SPATA16: variants seen among roughly 807,000 people sequenced by gnomAD.
SPATA16 encodes the protein spermatogenesis-associated protein 16.
In SPATA16, 36 loss-of-function variants were observed where a neutral mutation model predicts 63.3. The observed-to-expected ratio is 0.57, with a 90% CI of 0.44 to 0.75. The LOEUF is 0.75. Among genes scored for constraint, SPATA16 ranks in the 30% least tolerant of loss-of-function variants. SPATA16 has a pLI of 0.00. For missense variants in SPATA16, 646 were observed against 679.3 expected (o/e 0.95, Z 0.54); for synonymous variants, 203 against 216.7 (o/e 0.94, Z 0.56).
At chr3:173,094,938 G>C (rs1737316806) in intron 2 of SPATA16, among the ~76,000 whole-genome samples, 1 of 152,104 alleles carries the variant, frequency 6.6e-6, no homozygotes, top group African/African-American at 2.4e-5. Context: ...CAGTGATTTG[G>C]CTATGTTGAT....
At position 173,019,480 on chromosome 3, in the gene SPATA16, A is replaced by G. The variant is rs1190438704; in HGVS notation, c.848+6T>C. On this transcript the variant is annotated splice_donor_region_variant and intron_variant, in intron 4 of 10. Coordinates refer to ENST00000351008, the MANE Select transcript of SPATA16 (RefSeq NM_031955.6). Reference sequence around the variant, plus strand: ...TAAATCCTCACAAAAGTTAAAACAAACATACCGGGCAGCCTCTGAATACCT... The same window carrying G: ...TAAATCCTCACAAAAGTTAAAACAAGCATACCGGGCAGCCTCTGAATACCT... 4.3e-6 allele frequency: 7 copies of G among 1,613,048 alleles called. No individual in the cohort carries two copies. In the East Asian group the frequency reaches 1.3e-4, roughly 31 times the overall value.
At chr3:173,041,930 G>A (rs1735849219) in intron 3 of SPATA16, among the ~76,000 whole-genome samples, 1 of 151,970 alleles carries the variant, frequency 6.6e-6, no homozygotes, top group South Asian at 2.1e-4. Context: ...TTGTGCACAT[G>A]TACCCTAAAA....
chr3:173,085,797 G>C (rs576504042), intron 2 of SPATA16, among the ~76,000 whole-genome samples: 266 of 152,192 alleles, frequency 1.7e-3, no homozygotes, highest in African/African-American at 6.2e-3. Context: ...CTTTAGTTCT[G>C]TTTATGTGAT....
chr3:172,915,837 T>C (rs141929828), intron 9 of SPATA16, among the ~76,000 whole-genome samples: 56 of 152,354 alleles, frequency 3.7e-4, no homozygotes, highest in Admixed American at 1.0e-3. Flanking sequence ...TGTTGATTTA[T>C]CTAAGTGTAC....
intron 6 of SPATA16, among the ~76,000 whole-genome samples, chr3:172,931,020 C>T (rs571660108): frequency 2.2e-4 from 33 of 150,846 alleles, no homozygotes; most frequent in African/African-American, 8.1e-4. Flanking sequence ...GATGGGGTTT[C>T]GCCTTGTTGG....
intron 3 of SPATA16, among the ~76,000 whole-genome samples, chr3:173,027,827 G>GA (rs1414587125): frequency 2.0e-5 from 3 of 151,832 alleles, no homozygotes. Flanking sequence ...TTCTTCCCCA[G>GA]AGACATATGT....
intron 2 of SPATA16, among the ~76,000 whole-genome samples, chr3:173,083,775 TA>T (rs1425864590): frequency 2.6e-5 from 4 of 152,184 alleles, no homozygotes; most frequent in African/African-American, 9.7e-5. Flanking sequence ...TTGCTGAGAA[TA>T]ATGGCTTCCA....
At chr3:172,937,603 T>C (rs1261550318) in intron 6 of SPATA16, among the ~76,000 whole-genome samples, 2 of 152,164 alleles carry the variant, frequency 1.3e-5, no homozygotes, top group South Asian at 2.1e-4. Context: ...TGAGAGTACC[T>C]TTAAGATCTC....
intron 4 of SPATA16, among the ~76,000 whole-genome samples, chr3:173,002,201 T>A (rs1268299172): frequency 6.6e-6 from 1 of 152,184 alleles, no homozygotes; most frequent in East Asian, 1.9e-4. Flanking sequence ...TAGACATTTT[T>A]AAATATAGGG....
chr3:173,002,251 C>G (rs1577126627), intron 4 of SPATA16, among the ~76,000 whole-genome samples: 1 of 152,082 alleles, frequency 6.6e-6, no homozygotes, highest in Admixed American at 6.6e-5. Context: ...TAAACACACA[C>G]TGAAGCTGGT....
At chr3:172,978,547 C>G (rs1193230781) in intron 4 of SPATA16, among the ~76,000 whole-genome samples, 1 of 152,156 alleles carries the variant, frequency 6.6e-6, no homozygotes, top group Non-Finnish European at 1.5e-5. Flanking sequence ...ATTTTACTTT[C>G]AAGGACAACA....
intron 8 of SPATA16, among the ~76,000 whole-genome samples, chr3:172,920,409 A>G (rs747921879): frequency 6.6e-6 from 1 of 152,268 alleles, no homozygotes; most frequent in Non-Finnish European, 1.5e-5. Flanking sequence ...ATGTTTGAGT[A>G]AAGAAAACTT....
At chr3:172,960,875 C>CTCTTTCTTTCTTTCTT (rs57268955) in intron 5 of SPATA16, among the ~76,000 whole-genome samples, 3 of 142,164 alleles carry the variant, frequency 2.1e-5, no homozygotes, top group East Asian at 2.1e-4. Context: ...CTTTCTTTCT[C>CTCTTTCTTTCTTTCTT]TCTTTCTTTC....
intron 4 of SPATA16, among the ~76,000 whole-genome samples, chr3:172,986,375 T>A (rs750117446): frequency 2.0e-5 from 3 of 152,188 alleles, no homozygotes. Flanking sequence ...ATGAGGATAC[T>A]AAGACGAGTC....
rs146115642 is a variant in SPATA16 at position 172,949,302 on chromosome 3, C to T, written c.1081+7375G>A. The stretch of plus-strand genomic sequence containing the variant: ...GTAAAATGCAGTGATTATTTGTAGA[C>T]CATAAGATCATCAAGAAAATGCTAA... On this transcript the variant is annotated intron_variant, in intron 6 of 10. Coordinates refer to ENST00000351008, the MANE Select transcript of SPATA16 (RefSeq NM_031955.6). Among the ~76,000 whole-genome samples, 430 of 152,006 alleles carry T rather than the reference C, an allele frequency of 2.8e-3. 2 individuals carry two copies. The highest frequency in any genetic ancestry group is 0.01 in the African/African-American group (419 of 41,432).
chr3:173,131,059 G>A (rs903128182), intron 1 of SPATA16, among the ~76,000 whole-genome samples: 13 of 151,980 alleles, frequency 8.6e-5, no homozygotes, highest in African/African-American at 2.7e-4. Flanking sequence ...TAAGGACTAC[G>A]GAAATATTTG....
intron 1 of SPATA16, among the ~76,000 whole-genome samples, chr3:173,130,984 T>A (rs976337092): frequency 7.9e-5 from 12 of 152,202 alleles, no homozygotes; most frequent in African/African-American, 2.4e-4. Context: ...TCAAAATAGT[T>A]TAGAAATATA....
chr3:173,029,991 T>A (rs183366767), intron 3 of SPATA16, among the ~76,000 whole-genome samples: 1 of 152,150 alleles, frequency 6.6e-6, no homozygotes, highest in East Asian at 1.9e-4. Flanking sequence ...TTCATAACAA[T>A]GGGAAAATTA....
intron 5 of SPATA16, among the ~76,000 whole-genome samples, chr3:172,967,984 C>G (rs1733957306): frequency 6.6e-6 from 1 of 152,152 alleles, no homozygotes; most frequent in African/African-American, 2.4e-5. Context: ...AAACCATCCC[C>G]CCACCCTAGT....
Sources: gnomAD v4.1 joint callset for allele counts (sites outside exome capture counted in the v4.1 genomes callset) on GRCh38, gnomAD v4.1.1 for gene constraint, MANE v1.5 for transcripts, NCBI Gene and HGNC (gene_info 2026-07-23, HGNC 2026-07-21) for gene names.